MAPK8IP3: variants seen among roughly 807,000 people sequenced by gnomAD.
MAPK8IP3 encodes mitogen-activated protein kinase 8 interacting protein 3, also known as C-Jun-amino-terminal kinase-interacting protein 3.
A neutral mutation model predicts 157.8 loss-of-function variants in MAPK8IP3; 49 were observed. The ratio of observed to expected loss-of-function variants is 0.31; its 90% CI spans 0.25 to 0.39. The LOEUF (loss-of-function observed/expected upper bound fraction) is 0.39, where lower values mean the gene tolerates loss of function less well. Ranked by LOEUF, MAPK8IP3 falls within the 10% of genes least tolerant of loss-of-function variation. The probability of loss-of-function intolerance (pLI) is 1.00; values close to 1 mark genes in which losing one functional copy is unlikely to be tolerated. For synonymous variants in MAPK8IP3, 897 were observed against 777.7 expected (o/e 1.15, Z -2.55); for missense variants, 1,478 against 1,889.4 (o/e 0.78, Z 4.04).
intron 1 of MAPK8IP3, among the ~76,000 whole-genome samples, chr16:1,713,211 T>G (rs1263889680): frequency 6.6e-6 from 1 of 152,336 alleles, no homozygotes; most frequent in East Asian, 1.9e-4. Flanking sequence ...GTTGAGCATT[T>G]TAGGCATGAC....
chr16:1,739,172 A>G (rs1163400855), intron 4 of MAPK8IP3, among the ~76,000 whole-genome samples: 11 of 100,448 alleles, frequency 1.1e-4, no homozygotes, highest in African/African-American at 2.0e-4. Flanking sequence ...GAGTGTGACC[A>G]TCCATGTGAG....
intron 1 of MAPK8IP3, among the ~76,000 whole-genome samples, chr16:1,723,650 G>T (rs1208640862): frequency 6.6e-6 from 1 of 151,896 alleles, no homozygotes; most frequent in Non-Finnish European, 1.5e-5. Context: ...AAAACAAAAG[G>T]CCAGTTGATA....
chr16:1,763,561 G>A (rs1199498258), intron 16 of MAPK8IP3, 96 bp from the exon 17 acceptor site: 25 of 1,363,982 alleles, frequency 1.8e-5, no homozygotes, highest in Non-Finnish European at 2.3e-5. Flanking sequence ...GGGCCCAGGC[G>A]GGCCTCCCTG....
intron 5 of MAPK8IP3, chr16:1,745,239 C>A: frequency 1.1e-6 from 1 of 948,008 alleles, no homozygotes. Context: ...GGGGACCCAG[C>A]GTGGAGGAAG....
intron 1 of MAPK8IP3, among the ~76,000 whole-genome samples, chr16:1,708,239 C>T (rs895868710): frequency 6.6e-6 from 1 of 152,176 alleles, no homozygotes; most frequent in Non-Finnish European, 1.5e-5. Context: ...AGAGTGAACC[C>T]GACACCGGCC....
At chr16:1,729,459 G>A (rs775567367) in intron 3 of MAPK8IP3, 28 bp from the exon 4 acceptor site, 3 of 1,596,026 alleles carry the variant, frequency 1.9e-6, no homozygotes, top group South Asian at 2.2e-5. Flanking sequence ...CCACGGCAGC[G>A]CTAATGCAGG....
intron 10 of MAPK8IP3, among the ~76,000 whole-genome samples, chr16:1,759,435 G>A (rs549167686): frequency 6.6e-6 from 1 of 152,298 alleles, no homozygotes; most frequent in East Asian, 1.9e-4. Flanking sequence ...GGTTTCTGGG[G>A]CATGCTTGCA....
rs755580880 is a variant in MAPK8IP3, at chr16:1,747,065, TCGG to T, written c.789_791del (p.Ala265del). ...TGAAATGTCCGAGTCAGGCCAGTCC[TCGG>T]CGGCCGCCACACCCAGCACCACAGG... On this transcript the variant is annotated inframe_deletion, in exon 6 of 32. Transcript: ENST00000610761. 10 of 1,613,456 alleles carry T rather than the reference TCGG, an allele frequency of 6.2e-6. No individual in the cohort carries two copies. Among genetic ancestry groups the T allele is most frequent in the South Asian group, 1.1e-5 (1 of 91,068 alleles).
intron 2 of MAPK8IP3, among the ~76,000 whole-genome samples, chr16:1,728,533 A>G (rs1403822134): frequency 1.3e-5 from 2 of 151,956 alleles, no homozygotes; most frequent in African/African-American, 4.8e-5. Context: ...TTAACTCCCA[A>G]CAGAGCTGAG....
chr16:1,764,946 T>C, intron 19 of MAPK8IP3, 67 bp from the exon 20 acceptor site: 1 of 1,499,166 alleles, frequency 6.7e-7, no homozygotes, highest in Non-Finnish European at 9.1e-7. Flanking sequence ...GGGAGCCCCA[T>C]GGCCCTGTGC....
In MAPK8IP3 at chr16:1,767,795, T is replaced by A. The variant is rs781223832; in HGVS notation, c.3410-10T>A. 6.2e-7 allele frequency: 1 copy of A among 1,611,148 alleles called. No individual in the cohort carries two copies. Among genetic ancestry groups the A allele is most frequent in the Admixed American group, 1.7e-5 (1 of 59,976 alleles). ...TCAAGGCCAGCCACCCTGACCGCTCTCCCCCACAGGCACTGGCAAGCTGGG... is the reference window on the plus strand; with the variant it reads ...TCAAGGCCAGCCACCCTGACCGCTCACCCCCACAGGCACTGGCAAGCTGGG... On this transcript the variant is annotated splice_polypyrimidine_tract_variant and intron_variant, in intron 27 of 31. Coordinates refer to ENST00000610761, the MANE Select transcript of MAPK8IP3 (RefSeq NM_001318852.2).
At chr16:1,746,980 C>T (rs765590749) in intron 5 of MAPK8IP3, 49 bp from the exon 6 acceptor site, 1 of 1,595,042 alleles carries the variant, frequency 6.3e-7, no homozygotes, top group Non-Finnish European at 8.6e-7. Context: ...AGCCGCAGGC[C>T]AGGGACCTGC....
chr16:1,748,746 G>A (rs558668925), intron 8 of MAPK8IP3, 26 bp downstream of exon 8: 23 of 1,565,316 alleles, frequency 1.5e-5, no homozygotes, highest in East Asian at 2.2e-5. Flanking sequence ...CCCCCGCACC[G>A]CTGTGCCTGC....
At position 1,766,814 on chromosome 16, in the gene MAPK8IP3, C is replaced by T. The variant is rs1377015283; in HGVS notation, c.3020+11C>T. The T allele has an allele frequency of 1.2e-6, 2 of 1,612,500 alleles. No individual in the cohort carries two copies. Among genetic ancestry groups the T allele is most frequent in the East Asian group, 2.2e-5 (1 of 44,896 alleles). ...TGTGCTGAGCCTGGTGTGGGTGACC[C>T]CAGACCGAGGGCCGGGCGGCGCGGG... On this transcript the variant is annotated intron_variant, in intron 24 of 31. Coordinates refer to ENST00000610761, the MANE Select transcript of MAPK8IP3 (RefSeq NM_001318852.2).
chr16:1,742,693 C>T lies in MAPK8IP3; in HGVS notation c.603-639C>T, dbSNP rs2141845034. Among the ~76,000 whole-genome samples, 1 of 152,278 alleles carries T rather than the reference C, an allele frequency of 6.6e-6. No individual in the cohort carries two copies. The highest frequency in any genetic ancestry group is 2.1e-4 in the South Asian group (1 of 4,830). ...GGCTGGCAGTAACACCACAGGGAGG[C>T]AGGGCTGGGCACACATAAGACAATG... On this transcript the variant is annotated intron_variant, in intron 4 of 31. Coordinates refer to ENST00000610761, the MANE Select transcript of MAPK8IP3 (RefSeq NM_001318852.2). This position sits in a 1 kb window ranked among gnomAD's most constrained non-coding sequence, Gnocchi z 5.0.
In MAPK8IP3 at chr16:1,742,804, A is replaced by C. The variant is rs2040756338; in HGVS notation, c.603-528A>C. 6.6e-6 allele frequency among the ~76,000 whole-genome samples: 1 copy of C among 152,130 alleles called. No homozygotes were observed. The highest frequency in any genetic ancestry group is 2.1e-4 in the South Asian group (1 of 4,828). ...GCTGGCTCTGCTGTGGGGTGTCTAA[A>C]GCACACCCGGCTTGTGTCTGTTTAA... On this transcript the variant is annotated intron_variant, in intron 4 of 31. Coordinates refer to ENST00000610761, the MANE Select transcript of MAPK8IP3 (RefSeq NM_001318852.2). The surrounding 1 kb of genome is among the most constrained non-coding windows in gnomAD (Gnocchi z 5.0).
chr16:1,732,629 T>C (rs1273854026), intron 4 of MAPK8IP3, among the ~76,000 whole-genome samples: 2 of 151,446 alleles, frequency 1.3e-5, no homozygotes, highest in Non-Finnish European at 2.9e-5. Flanking sequence ...GCCGGCCATC[T>C]GCCCACCCAG....
At chr16:1,713,042 C>T (rs1161511239) in intron 1 of MAPK8IP3, among the ~76,000 whole-genome samples, 3 of 152,128 alleles carry the variant, frequency 2.0e-5, no homozygotes. Context: ...AAAGGGAAGC[C>T]GGCTTTCCTC....
At chr16:1,738,516 A>G (rs1183809334) in intron 4 of MAPK8IP3, among the ~76,000 whole-genome samples, 8 of 102,416 alleles carry the variant, frequency 7.8e-5, no homozygotes, top group Admixed American at 2.4e-4. Flanking sequence ...GTGACCATCC[A>G]TGTGAGCATC....
Sources: allele counts gnomAD v4.1 joint callset (sites outside exome capture counted in the v4.1 genomes callset), GRCh38; gene constraint gnomAD v4.1.1; non-coding constraint Gnocchi (gnomAD v3.1); transcripts MANE v1.5; gene names NCBI Gene and HGNC (gene_info 2026-07-23, HGNC 2026-07-21).